Variants in BRD10 observed in about 807,000 individuals in gnomAD.
BRD10 encodes the protein bromodomain containing 10, also known as uncharacterized bromodomain-containing protein 10.
At chr9:5,917,715 T>C in the BRD10 span, among the ~76,000 whole-genome samples, 3 of 152,192 alleles carry the variant, frequency 2.0e-5, no homozygotes, top group East Asian at 3.8e-4. Flanking sequence ...ATCTGGGCTA[T>C]GGTGGTGCAC....
At chr9:6,008,294 G>C in the BRD10 span, 3 of 984,772 alleles carry the variant, frequency 3.0e-6, no homozygotes, top group Non-Finnish European at 2.4e-6. Context: ...CGGGGGACAC[G>C]GGCAGAAGGA....
chr9:5,920,534 G>A, the BRD10 span: 19 of 1,613,876 alleles, frequency 1.2e-5, no homozygotes, highest in South Asian at 1.9e-4. Flanking sequence ...GGACGTATTA[G>A]TTATTTTACC....
chr9:5,878,923 C>G, the BRD10 span, among the ~76,000 whole-genome samples: 1 of 152,212 alleles, frequency 6.6e-6, no homozygotes, highest in South Asian at 2.1e-4. Flanking sequence ...AACCCAAACT[C>G]CTGAAGCTTC....
At chr9:5,888,713 C>A in the BRD10 span, among the ~76,000 whole-genome samples, 3 of 152,334 alleles carry the variant, frequency 2.0e-5, 1 homozygote, top group South Asian at 6.2e-4. Flanking sequence ...AGCTGATCCT[C>A]TTTCAACTAC....
At chr9:5,989,339 T>C in the BRD10 span, among the ~76,000 whole-genome samples, 17 of 137,976 alleles carry the variant, frequency 1.2e-4, no homozygotes, top group South Asian at 2.3e-4. Flanking sequence ...GAGGCTAAGG[T>C]GGGAGGACCG....
the BRD10 span, among the ~76,000 whole-genome samples, chr9:5,911,800 G>C: frequency 4.6e-5 from 7 of 152,092 alleles, no homozygotes; most frequent in Non-Finnish European, 8.8e-5. Flanking sequence ...CTCCCAAAGT[G>C]CTGGGATTAC....
chr9:5,951,880 G>A, the BRD10 span, among the ~76,000 whole-genome samples: 2 of 152,056 alleles, frequency 1.3e-5, no homozygotes, highest in African/African-American at 4.8e-5. Context: ...TATTCATATT[G>A]TAAACTAGGC....
At chr9:6,007,832 G>A in the BRD10 span, 5 of 1,401,092 alleles carry the variant, frequency 3.6e-6, no homozygotes, top group Non-Finnish European at 4.6e-6. Flanking sequence ...GCCGCTCGAG[G>A]TGCTGGGGGA....
At chr9:5,993,312 T>TAAA in the BRD10 span, among the ~76,000 whole-genome samples, 232 of 116,494 alleles carry the variant, frequency 2.0e-3, 1 homozygote, top group South Asian at 8.9e-3. Flanking sequence ...GAGACTCCAT[T>TAAA]AAAAAAAAAA....
At chr9:5,993,515 T>G in the BRD10 span, among the ~76,000 whole-genome samples, 1 of 152,078 alleles carries the variant, frequency 6.6e-6, no homozygotes, top group Non-Finnish European at 1.5e-5. Context: ...TAGGAAGGGA[T>G]AGTGAAGCAC....
chr9:5,937,632 C>T, the BRD10 span, among the ~76,000 whole-genome samples: 3 of 152,330 alleles, frequency 2.0e-5, no homozygotes, highest in Admixed American at 2.0e-4. Context: ...CAACTCTGTG[C>T]TGGGATAAAT....
At chr9:5,883,450 T>TTCC in the BRD10 span, among the ~76,000 whole-genome samples, 1 of 125,308 alleles carries the variant, frequency 8.0e-6, no homozygotes, top group Admixed American at 9.2e-5. Flanking sequence ...CTTCATCCTA[T>TTCC]TCCTTCTTCT....
chr9:5,948,595 T>C, the BRD10 span, among the ~76,000 whole-genome samples: 2 of 151,936 alleles, frequency 1.3e-5, no homozygotes, highest in Non-Finnish European at 2.9e-5. Flanking sequence ...GTCCTTTGGA[T>C]AGAAATTCAA....
the BRD10 span, among the ~76,000 whole-genome samples, chr9:5,923,745 A>C: frequency 6.6e-6 from 1 of 152,220 alleles, no homozygotes; most frequent in Non-Finnish European, 1.5e-5. Context: ...TAGAGACTCT[A>C]AAGGACAAAA....
the BRD10 span, among the ~76,000 whole-genome samples, chr9:5,964,988 A>G: frequency 6.7e-6 from 1 of 149,384 alleles, no homozygotes; most frequent in South Asian, 2.1e-4. Flanking sequence ...GCGCACCAGC[A>G]TGGCACATGT....
chr9:5,889,275 C>T, the BRD10 span, among the ~76,000 whole-genome samples: 7 of 152,158 alleles, frequency 4.6e-5, no homozygotes, highest in African/African-American at 1.4e-4. Flanking sequence ...CCTCATCTGC[C>T]ATATTCACCT....
At chr9:5,979,741 T>TA in the BRD10 span, among the ~76,000 whole-genome samples, 1 of 151,876 alleles carries the variant, frequency 6.6e-6, no homozygotes, top group Non-Finnish European at 1.5e-5. Flanking sequence ...AAATAGCCGG[T>TA]ATGGTGGCTC....
At chr9:6,007,346 T>G in the BRD10 span, 2 of 1,613,604 alleles carry the variant, frequency 1.2e-6, no homozygotes, top group Non-Finnish European at 1.7e-6. Flanking sequence ...TACTGGCCGC[T>G]GGCGAACTTC....
At chr9:5,998,045 A>G in the BRD10 span, among the ~76,000 whole-genome samples, 2 of 152,138 alleles carry the variant, frequency 1.3e-5, no homozygotes, top group Non-Finnish European at 2.9e-5. Context: ...GAAAAATGCT[A>G]TTTTTTTGGC....
Sources: gnomAD v4.1 joint callset for allele counts (sites outside exome capture counted in the v4.1 genomes callset) on GRCh38, gnomAD v4.1.1 for gene constraint, MANE v1.5 for transcripts, NCBI Gene and HGNC (gene_info 2026-07-23, HGNC 2026-07-21) for gene names.